The following PPM1B variants were observed in gnomAD, a reference collection of about 807,000 sequenced individuals.
PPM1B encodes protein phosphatase, Mg2+/Mn2+ dependent 1B, also known as protein phosphatase 1B.
Under a neutral mutation model 43.0 loss-of-function variants are expected in PPM1B, and 22 were observed. That is an observed-to-expected ratio of 0.51 (90% CI 0.37 to 0.73). The LOEUF is 0.73. Ranked by LOEUF, PPM1B falls within the 30% of genes least tolerant of loss-of-function variation. The pLI is 0.00. For synonymous variants in PPM1B, 217 were observed against 197.9 expected, an observed-to-expected ratio of 1.10 and a Z score of -0.81; for missense variants, 632 against 584.2, an observed-to-expected ratio of 1.08 and a Z score of -0.84.
chr2:44,187,071 A>T (rs1360596830), intron 1 of PPM1B, among the ~76,000 whole-genome samples: 1 of 152,190 alleles, frequency 6.6e-6, no homozygotes, highest in Admixed American at 6.6e-5. Context: ...ATGCCCATTA[A>T]ACAACAGCTT....
At chr2:44,219,245 T>C (rs1264913993) in intron 5 of PPM1B, 3 of 151,964 alleles carry the variant, frequency 2.0e-5, no homozygotes, top group African/African-American at 7.2e-5. Context: ...TATTTTTCTC[T>C]TGGGTTTTCA....
At chr2:44,246,715 C>T (rs561382224), downstream of PPM1B, among the ~76,000 whole-genome samples, 4 of 152,266 alleles carry the variant, frequency 2.6e-5, no homozygotes, top group African/African-American at 9.6e-5. Flanking sequence ...TTGACCTATT[C>T]CTCTAGGTCC....
downstream of PPM1B, among the ~76,000 whole-genome samples, chr2:44,237,558 A>T (rs1670652309): frequency 6.6e-6 from 1 of 152,240 alleles, no homozygotes; most frequent in Non-Finnish European, 1.5e-5. Flanking sequence ...TCTTGTAAGT[A>T]TCCACAACTC....
intron 2 of PPM1B, among the ~76,000 whole-genome samples, chr2:44,203,517 A>C (rs928361802): frequency 6.6e-6 from 1 of 152,194 alleles, no homozygotes; most frequent in Non-Finnish European, 1.5e-5. Flanking sequence ...AATCCAGATG[A>C]TGAAGAAAAT....
chr2:44,187,440 T>C (rs932479742), intron 1 of PPM1B, among the ~76,000 whole-genome samples: 1 of 152,204 alleles, frequency 6.6e-6, no homozygotes, highest in East Asian at 1.9e-4. Context: ...TACACAGAAG[T>C]GGCATTGCTG....
chr2:44,222,335 G>A (rs1056188886), intron 5 of PPM1B, among the ~76,000 whole-genome samples: 3 of 152,104 alleles, frequency 2.0e-5, no homozygotes, highest in Non-Finnish European at 2.9e-5. Flanking sequence ...CTGTCCTTAA[G>A]TCATATATTT....
chr2:44,172,600 G>C (rs114157381), intron 1 of PPM1B, among the ~76,000 whole-genome samples: 315 of 152,260 alleles, frequency 2.1e-3, no homozygotes, highest in African/African-American at 7.4e-3. Context: ...ATTAATTTAA[G>C]TATGCTAAAG....
At chr2:44,234,060 A>T (rs1014696193), downstream of PPM1B, 36 of 969,146 alleles carry the variant, frequency 3.7e-5, no homozygotes, top group South Asian at 4.8e-5. Context: ...TGATAAAAAC[A>T]GTGTGACATA....
chr2:44,209,425 C>G (rs1219650264), intron 3 of PPM1B, 98 bp downstream of exon 3: 9 of 1,293,036 alleles, frequency 7.0e-6, no homozygotes, highest in Non-Finnish European at 8.3e-6. Context: ...CACCAAGGCT[C>G]TGTCTCAAAA....
chr2:44,237,103 G>A (rs1034314906), downstream of PPM1B, among the ~76,000 whole-genome samples: 5 of 152,172 alleles, frequency 3.3e-5, no homozygotes, highest in Admixed American at 3.3e-4. Context: ...TTCTGTACTA[G>A]AAAATGCACT....
chr2:44,206,023 C>A (rs1669174475), intron 2 of PPM1B, among the ~76,000 whole-genome samples: 2 of 152,222 alleles, frequency 1.3e-5, no homozygotes, highest in South Asian at 4.1e-4. Flanking sequence ...GTCAAAAAAA[C>A]AAAAACAAAC....
At chr2:44,239,448 T>C (rs1670699760), downstream of PPM1B, among the ~76,000 whole-genome samples, 1 of 152,162 alleles carries the variant, frequency 6.6e-6, no homozygotes, top group Admixed American at 6.5e-5. Flanking sequence ...TTTTTTTCTT[T>C]GTTTATGCAG....
downstream of PPM1B, chr2:44,232,519 G>A (rs1352733771): frequency 1.4e-6 from 2 of 1,455,150 alleles, no homozygotes; most frequent in East Asian, 2.5e-5. Flanking sequence ...TTTTCTGACA[G>A]TTGCCACTTG....
chr2:44,230,324 G>C (rs1670413127), intron 5 of PPM1B, 89 bp from the exon 6 acceptor site: 18 of 1,535,816 alleles, frequency 1.2e-5, no homozygotes, highest in Non-Finnish European at 1.6e-5. Context: ...TTTCGGTAGA[G>C]AAATTAGTAT....
At chr2:44,244,322 C>G (rs1028398823) in exon 6 of PPM1B, 4 of 1,361,240 alleles carry the variant, frequency 2.9e-6, no homozygotes, top group African/African-American at 1.5e-5. Flanking sequence ...CTCAGAAGCA[C>G]GCGGACAAAA....
chr2:44,209,463 T>C, intron 3 of PPM1B, 136 bp downstream of exon 3: 6 of 898,604 alleles, frequency 6.7e-6, no homozygotes, highest in Non-Finnish European at 9.7e-6. Context: ...GGGAAAGTAT[T>C]CTTTTTGTTT....
chr2:44,171,829 CAAAAAAAA>C (rs58214419), intron 1 of PPM1B, among the ~76,000 whole-genome samples: 71,602 of 120,392 alleles, frequency 0.59, 19,029 homozygotes, highest in South Asian at 0.69. Flanking sequence ...GACTCTGTCT[CAAAAAAAA>C]AAAAAAAAAA....
At chr2:44,169,613 G>A (rs1156777814) in intron 1 of PPM1B, among the ~76,000 whole-genome samples, 4 of 152,260 alleles carry the variant, frequency 2.6e-5, no homozygotes, top group African/African-American at 9.6e-5. Flanking sequence ...CGAAAGCACT[G>A]GGGCTACCCC....
At chr2:44,228,419 C>T (rs1243553270) in intron 5 of PPM1B, among the ~76,000 whole-genome samples, 1 of 152,088 alleles carries the variant, frequency 6.6e-6, no homozygotes, top group African/African-American at 2.4e-5. Flanking sequence ...AGGAATCCTC[C>T]TACCCGTCTC....
Sources: gnomAD v4.1 joint callset for allele counts (sites outside exome capture counted in the v4.1 genomes callset) on GRCh38, gnomAD v4.1.1 for gene constraint, MANE v1.5 for transcripts, NCBI Gene and HGNC (gene_info 2026-07-23, HGNC 2026-07-21) for gene names.